CYP2J2: variants seen among roughly 807,000 people sequenced by gnomAD.
CYP2J2 encodes cytochrome P450 family 2 subfamily J member 2.
A neutral mutation model predicts 48.8 loss-of-function variants in CYP2J2; 41 were observed. The ratio of observed to expected loss-of-function variants is 0.84; its 90% CI spans 0.66 to 1.09. The LOEUF (loss-of-function observed/expected upper bound fraction) is 1.09, where lower values mean the gene tolerates loss of function less well. Ranked by LOEUF, CYP2J2 falls within the 50% of genes least tolerant of loss-of-function variation. The pLI is 0.00. For synonymous variants in CYP2J2, 221 were observed against 227.1 expected (o/e 0.97, Z 0.24); for missense variants, 644 against 617.3 (o/e 1.04, Z -0.46).
Position 59,915,995 on chromosome 1 carries a change from G to T in CYP2J2, c.316C>A (p.Gln106Lys). Residue 106 changes from glutamine (Q) to lysine (K), a missense_variant, in exon 2 of 9, where the codon CAA becomes AAA. Coordinates refer to ENST00000371204, the MANE Select transcript of CYP2J2 (RefSeq NM_000775.4). ...LIKEALIHMD[Q>K]NFGNRPVTPM... ...GTCACGGGGCGGTTCCCAAAGTTTT[G>T]GTCCATGTGGATAAGGGCTTCTTTG... The T allele has an allele frequency of 6.2e-7, 1 of 1,613,896 alleles. No homozygotes were observed.
chr1:59,936,983 C>T, the CYP2J2 span, among the ~76,000 whole-genome samples: 1 of 152,206 alleles, frequency 6.6e-6, no homozygotes, highest in Non-Finnish European at 1.5e-5. Context: ...TTAGCTCAGG[C>T]ATAGGGTAAG....
chr1:59,931,737 C>T (rs925481430), upstream of CYP2J2, among the ~76,000 whole-genome samples: 10 of 151,996 alleles, frequency 6.6e-5, no homozygotes, highest in Admixed American at 5.2e-4. Context: ...GAACTCTATA[C>T]ATATTAACAT....
At chr1:59,955,642 C>T in the CYP2J2 span, among the ~76,000 whole-genome samples, 1 of 152,042 alleles carries the variant, frequency 6.6e-6, no homozygotes, top group Non-Finnish European at 1.5e-5. Flanking sequence ...ACATCCTATG[C>T]CTCTGATTTT....
At chr1:59,909,230 G>A (rs1182007314) in intron 5 of CYP2J2, among the ~76,000 whole-genome samples, 2 of 152,142 alleles carry the variant, frequency 1.3e-5, no homozygotes, top group Non-Finnish European at 2.9e-5. Flanking sequence ...TCCTGTAGCA[G>A]GCTGAGTAAT....
chr1:59,958,313 T>A, the CYP2J2 span, among the ~76,000 whole-genome samples: 2 of 152,184 alleles, frequency 1.3e-5, no homozygotes, highest in Non-Finnish European at 2.9e-5. Flanking sequence ...CTGTGCCCTT[T>A]GGAATTCACA....
chr1:59,959,086 C>G, the CYP2J2 span, among the ~76,000 whole-genome samples: 1 of 152,256 alleles, frequency 6.6e-6, no homozygotes, highest in Admixed American at 6.5e-5. Context: ...TCCCGCTCAC[C>G]TTCTCAAAGA....
chr1:59,963,651 T>C, the CYP2J2 span, among the ~76,000 whole-genome samples: 1 of 152,188 alleles, frequency 6.6e-6, no homozygotes, highest in Admixed American at 6.5e-5. Flanking sequence ...TGAACATAGA[T>C]GTACAGGTAT....
the CYP2J2 span, among the ~76,000 whole-genome samples, chr1:59,940,624 GAAAT>G: frequency 6.6e-6 from 1 of 152,214 alleles, no homozygotes; most frequent in African/African-American, 2.4e-5. Context: ...TACTCACAGG[GAAAT>G]AAATAATTAT....
Position 59,920,852 on chromosome 1 carries a change from C to T in CYP2J2, c.211-4752G>A, listed in dbSNP as rs561771616. ...AAATTTTATAGACTTTATTAGTTCCCATGTTTAGTATTGTTGTGATAAGTA... is the reference window on the plus strand; with the variant it reads ...AAATTTTATAGACTTTATTAGTTCCTATGTTTAGTATTGTTGTGATAAGTA... On this transcript the variant is annotated intron_variant, in intron 1 of 8. Transcript: ENST00000371204. Among the ~76,000 whole-genome samples the T allele has an allele frequency of 7.9e-5, 12 of 152,168 alleles. No homozygotes were observed. In the East Asian group the frequency reaches 2.3e-3, roughly 29 times the overall value.
At chr1:59,926,513 C>A in intron 1 of CYP2J2, 24 bp downstream of exon 1, 1 of 1,597,140 alleles carries the variant, frequency 6.3e-7, no homozygotes, top group Non-Finnish European at 8.6e-7. Flanking sequence ...TCAGGACACG[C>A]TAGGCACCTT....
chr1:59,940,453 T>C, the CYP2J2 span, among the ~76,000 whole-genome samples: 1 of 152,174 alleles, frequency 6.6e-6, no homozygotes, highest in Admixed American at 6.5e-5. Flanking sequence ...GCCAAACTCT[T>C]AAGGGCTATT....
intron 2 of CYP2J2, among the ~76,000 whole-genome samples, chr1:59,913,849 T>A (rs1644441231): frequency 6.6e-6 from 1 of 152,212 alleles, no homozygotes; most frequent in Admixed American, 6.5e-5. Context: ...CTTAAAGCCA[T>A]TCAAGAGCTT....
chr1:59,965,097 T>C, the CYP2J2 span, among the ~76,000 whole-genome samples: 1 of 152,208 alleles, frequency 6.6e-6, no homozygotes, highest in East Asian at 1.9e-4. Flanking sequence ...AGAGTAATTA[T>C]AATGTGTTAG....
chr1:59,934,721 G>A, the CYP2J2 span, among the ~76,000 whole-genome samples: 1 of 151,798 alleles, frequency 6.6e-6, no homozygotes, highest in Non-Finnish European at 1.5e-5. Context: ...GGTTGGCTAG[G>A]ATATGGAGAA....
chr1:59,962,062 T>C, the CYP2J2 span, among the ~76,000 whole-genome samples: 5 of 152,080 alleles, frequency 3.3e-5, no homozygotes, highest in Non-Finnish European at 7.4e-5. Flanking sequence ...TGTACAACTT[T>C]GGAAATATAC....
the CYP2J2 span, among the ~76,000 whole-genome samples, chr1:59,942,987 G>A: frequency 9.9e-5 from 15 of 152,268 alleles, no homozygotes; most frequent in East Asian, 2.7e-3. Context: ...AGTAAAAATA[G>A]TTAATGTTTC....
chr1:59,932,946 C>T, the CYP2J2 span, among the ~76,000 whole-genome samples: 1 of 152,028 alleles, frequency 6.6e-6, no homozygotes, highest in Non-Finnish European at 1.5e-5. Flanking sequence ...AGTGATCTGC[C>T]CTCTTCACCC....
Position 59,900,958 on chromosome 1 carries a change from A to C in CYP2J2, c.1330+7T>G. 6.2e-7 allele frequency: 1 copy of C among 1,613,404 alleles called. No individual in the cohort carries two copies. Among genetic ancestry groups the C allele is most frequent in the Middle Eastern group, 1.7e-4 (1 of 6,048 alleles). ...GGACTCCCACACACCTGTTTACTACAACTTACCTATTGAGAAAGGCATAAA... is the reference window on the plus strand; with the variant it reads ...GGACTCCCACACACCTGTTTACTACCACTTACCTATTGAGAAAGGCATAAA... On this transcript the variant is annotated splice_region_variant and intron_variant, in intron 8 of 8. Coordinates refer to ENST00000371204, the MANE Select transcript of CYP2J2 (RefSeq NM_000775.4).
chr1:59,929,154 G>A (rs1644591384), upstream of CYP2J2, among the ~76,000 whole-genome samples: 3 of 152,356 alleles, frequency 2.0e-5, no homozygotes, highest in South Asian at 6.2e-4. Flanking sequence ...TTGTGACTGT[G>A]TGTACACCCA....
Sources: gnomAD v4.1 joint callset for allele counts (sites outside exome capture counted in the v4.1 genomes callset) on GRCh38, gnomAD v4.1.1 for gene constraint, MANE v1.5 for transcripts, NCBI Gene and HGNC (gene_info 2026-07-23, HGNC 2026-07-21) for gene names.